GRIN2A: variants seen among roughly 807,000 people sequenced by gnomAD.
The protein encoded by GRIN2A is glutamate receptor ionotropic, NMDA 2A.
Under a neutral mutation model 113.4 loss-of-function variants are expected in GRIN2A, and 22 were observed. The observed-to-expected ratio is 0.19, with a 90% confidence interval of 0.14 to 0.28. The LOEUF (loss-of-function observed/expected upper bound fraction) is 0.28, where lower values mean the gene tolerates loss of function less well. GRIN2A is among the 10% of genes least tolerant of loss of function. The probability of loss-of-function intolerance (pLI) is 1.00; values close to 1 mark genes in which losing one functional copy is unlikely to be tolerated. For missense variants in GRIN2A, 1,502 were observed against 1,887.0 expected (o/e 0.80, Z 3.78); for synonymous variants, 827 against 738.4 (o/e 1.12, Z -1.94).
chr16:10,024,708 T>C, intron 2 of GRIN2A, among the ~76,000 whole-genome samples: 1 of 152,166 alleles, frequency 6.6e-6, no homozygotes, highest in East Asian at 1.9e-4. Flanking sequence ...ATGAGAAGCC[T>C]AAACAACATA....
chr16:9,899,053 G>T (rs1453819088), intron 3 of GRIN2A, among the ~76,000 whole-genome samples: 1 of 151,786 alleles, frequency 6.6e-6, no homozygotes, highest in Non-Finnish European at 1.5e-5. Context: ...TCTTTGCCCT[G>T]GTGCTCAATT....
intron 4 of GRIN2A, among the ~76,000 whole-genome samples, chr16:9,890,032 A>G (rs1315136587): frequency 6.6e-6 from 1 of 151,918 alleles, no homozygotes; most frequent in African/African-American, 2.4e-5. Context: ...TTTGTATAGT[A>G]TTTCCCCCTG....
chr16:9,968,287 T>C (rs998124089), intron 2 of GRIN2A, among the ~76,000 whole-genome samples: 1 of 151,844 alleles, frequency 6.6e-6, no homozygotes, highest in Non-Finnish European at 1.5e-5. Flanking sequence ...TATGTATGTA[T>C]GTATGTATGT....
intron 5 of GRIN2A, 101 bp from the exon 6 acceptor site, chr16:9,841,205 A>T: frequency 9.6e-7 from 1 of 1,037,802 alleles, no homozygotes; most frequent in Non-Finnish European, 1.5e-6. Context: ...AGTAAACTGA[A>T]GTTTAAAAGG....
At chr16:10,164,440 T>A (rs1013374166) in intron 2 of GRIN2A, among the ~76,000 whole-genome samples, 1 of 152,170 alleles carries the variant, frequency 6.6e-6, no homozygotes, top group African/African-American at 2.4e-5. Flanking sequence ...GGGCTTCCCA[T>A]CCCTACCGTT....
chr16:10,157,822 A>C (rs1054837782), intron 2 of GRIN2A, among the ~76,000 whole-genome samples: 4 of 152,048 alleles, frequency 2.6e-5, no homozygotes, highest in Non-Finnish European at 5.9e-5. Context: ...CAGGAACAGT[A>C]GTTTGTTATA....
chr16:9,828,842 C>CA (rs1567328399), intron 9 of GRIN2A, among the ~76,000 whole-genome samples: 2 of 151,968 alleles, frequency 1.3e-5, no homozygotes, highest in African/African-American at 4.8e-5. Context: ...ATTAAAAAAA[C>CA]AGAAAGAAAG....
At chr16:9,980,727 T>G (rs1272631714) in intron 2 of GRIN2A, among the ~76,000 whole-genome samples, 1 of 151,254 alleles carries the variant, frequency 6.6e-6, no homozygotes, top group Non-Finnish European at 1.5e-5. Flanking sequence ...TCTCAGCAAA[T>G]TATCACAAGG....
chr16:9,960,905 C>A (rs1166174968), intron 2 of GRIN2A, among the ~76,000 whole-genome samples: 2 of 152,218 alleles, frequency 1.3e-5, no homozygotes, highest in African/African-American at 4.8e-5. Context: ...GGATTACAGG[C>A]ATGAGCCACC....
chr16:9,881,426 C>A (rs1053923597), intron 4 of GRIN2A, among the ~76,000 whole-genome samples: 9 of 152,200 alleles, frequency 5.9e-5, no homozygotes, highest in Admixed American at 4.6e-4. Context: ...AAAGCAGTAG[C>A]TTTACATCTT....
At chr16:9,792,128 T>C (rs1033253320) in intron 11 of GRIN2A, among the ~76,000 whole-genome samples, 1 of 150,966 alleles carries the variant, frequency 6.6e-6, no homozygotes, top group African/African-American at 2.5e-5. Context: ...ATATTTAACA[T>C]ATGATTATAT....
chr16:10,067,977 G>C (rs2075195367), intron 2 of GRIN2A, among the ~76,000 whole-genome samples: 1 of 152,342 alleles, frequency 6.6e-6, no homozygotes, highest in Middle Eastern at 3.4e-3. Flanking sequence ...CAGTGGCTGT[G>C]GAACTTGGGC....
At chr16:10,028,957 A>C (rs1043130068) in intron 2 of GRIN2A, among the ~76,000 whole-genome samples, 1 of 152,196 alleles carries the variant, frequency 6.6e-6, no homozygotes, top group Admixed American at 6.5e-5. Flanking sequence ...ATTATTTGTT[A>C]TTATAGCTAA....
chr16:9,976,349 T>C (rs1284997316), intron 2 of GRIN2A, among the ~76,000 whole-genome samples: 1 of 152,204 alleles, frequency 6.6e-6, no homozygotes, highest in Non-Finnish European at 1.5e-5. Flanking sequence ...GGGAAACACT[T>C]ATGTAACCTA....
intron 2 of GRIN2A, among the ~76,000 whole-genome samples, chr16:10,129,681 AG>A (rs1469973454): frequency 6.6e-6 from 1 of 152,224 alleles, no homozygotes; most frequent in East Asian, 1.9e-4. Flanking sequence ...AGATATAAGC[AG>A]GAGATTATGG....
In GRIN2A at chr16:10,127,746, A is replaced by G. The variant is rs151150705; in HGVS notation, c.414+52252T>C. Among the ~76,000 whole-genome samples, 592 of 152,336 alleles carry G rather than the reference A, an allele frequency of 3.9e-3. 5 individuals are homozygous for G. Among genetic ancestry groups the G allele is most frequent in the African/African-American group, 0.013 (553 of 41,566 alleles). On this transcript the variant is annotated intron_variant, in intron 2 of 12. Transcript: ENST00000330684. ...AGGCACTGGAAGCAAGAAAAGGGCC[A>G]GCACCACCGCTATCTACGTAAGTCA...
chr16:10,022,539 A>G (rs984073179), intron 2 of GRIN2A, among the ~76,000 whole-genome samples: 2 of 152,190 alleles, frequency 1.3e-5, no homozygotes, highest in African/African-American at 4.8e-5. Flanking sequence ...TTTCATAAAC[A>G]AAAATAAAAC....
intron 2 of GRIN2A, among the ~76,000 whole-genome samples, chr16:10,061,919 C>G (rs565309935): frequency 6.6e-6 from 1 of 152,336 alleles, no homozygotes; most frequent in South Asian, 2.1e-4. Context: ...CAGAGCCTGT[C>G]ACTTTGTACA....
chr16:9,766,444 GCT>G (rs1900928418), intron 12 of GRIN2A, among the ~76,000 whole-genome samples: 1 of 152,188 alleles, frequency 6.6e-6, no homozygotes, highest in Non-Finnish European at 1.5e-5. Context: ...AGTTTGAGCT[GCT>G]CTTTCTCTGA....
Sources: allele counts gnomAD v4.1 joint callset (sites outside exome capture counted in the v4.1 genomes callset), GRCh38; gene constraint gnomAD v4.1.1; transcripts MANE v1.5; gene names NCBI Gene and HGNC (gene_info 2026-07-23, HGNC 2026-07-21).